Variants in PDE4D observed in about 807,000 individuals in gnomAD.
PDE4D encodes phosphodiesterase 4D.
PDE4D carries 24 observed loss-of-function variants against 87.4 expected under a neutral mutation model. The ratio of observed to expected loss-of-function variants is 0.27; its 90% confidence interval spans 0.20 to 0.39. The LOEUF (loss-of-function observed/expected upper bound fraction) is 0.39. Among genes scored for constraint, PDE4D ranks in the 10% least tolerant of loss-of-function variants. PDE4D has a pLI of 1.00. For synonymous variants in PDE4D, 384 were observed against 383.2 expected (o/e 1.00, Z -0.02); for missense variants, 714 against 1,041.0 (o/e 0.69, Z 4.32).
chr5:59,179,601 A>G (rs1740990167), intron 5 of PDE4D: 3 of 408,404 alleles, frequency 7.3e-6, no homozygotes, highest in African/African-American at 4.3e-5. Flanking sequence ...TTCCAGAATC[A>G]ACTCTAATGT....
intron 1 of PDE4D, among the ~76,000 whole-genome samples, chr5:60,252,622 AAGG>A (rs1217439031): frequency 1.3e-5 from 2 of 151,842 alleles, no homozygotes; most frequent in East Asian, 3.9e-4. Flanking sequence ...GATAGAAATG[AAGG>A]ATGCTACACC....
At chr5:60,469,503 T>C (rs1747657060) in intron 1 of PDE4D, among the ~76,000 whole-genome samples, 1 of 152,204 alleles carries the variant, frequency 6.6e-6, no homozygotes, top group South Asian at 2.1e-4. Context: ...ATCTGTTTTA[T>C]TGCACTTTGC....
At chr5:59,223,737 A>G (rs1396178581) in intron 1 of PDE4D, among the ~76,000 whole-genome samples, 4 of 152,160 alleles carry the variant, frequency 2.6e-5, no homozygotes, top group Non-Finnish European at 5.9e-5. Context: ...TTCTCTGATT[A>G]TCTATGGAGA....
At chr5:60,454,998 A>G (rs1746363251) in intron 1 of PDE4D, among the ~76,000 whole-genome samples, 1 of 152,028 alleles carries the variant, frequency 6.6e-6, no homozygotes, top group Non-Finnish European at 1.5e-5. Flanking sequence ...AGGGTGGGGA[A>G]CAGGGTGAGG....
intron 1 of PDE4D, among the ~76,000 whole-genome samples, chr5:59,704,277 C>T (rs1753050956): frequency 6.6e-6 from 1 of 152,188 alleles, no homozygotes; most frequent in Admixed American, 6.5e-5. Context: ...AGAGGACTCT[C>T]ATCTCCCCAA....
At chr5:60,377,570 G>T (rs1194901849) in intron 1 of PDE4D, among the ~76,000 whole-genome samples, 1 of 152,116 alleles carries the variant, frequency 6.6e-6, no homozygotes, top group Non-Finnish European at 1.5e-5. Flanking sequence ...TTTAGTCAAA[G>T]ATCTCATGAG....
At chr5:60,372,158 A>AG (rs202236964) in intron 1 of PDE4D, among the ~76,000 whole-genome samples, 7,412 of 152,234 alleles carry the variant, frequency 0.049, 245 homozygotes, top group Non-Finnish European at 0.07. Context: ...TATTTTAGCC[A>AG]TCCTGATGGA....
At chr5:59,044,504 G>A (rs914845971) in intron 5 of PDE4D, among the ~76,000 whole-genome samples, 13 of 152,166 alleles carry the variant, frequency 8.5e-5, no homozygotes, top group African/African-American at 3.1e-4. Flanking sequence ...CTGTTTCACC[G>A]TGTATTGCTT....
intron 1 of PDE4D, among the ~76,000 whole-genome samples, chr5:60,186,164 A>G (rs182931447): frequency 3.9e-4 from 60 of 152,282 alleles, no homozygotes; most frequent in African/African-American, 1.3e-3. Context: ...ACTGACAATA[A>G]TCAATAGTAC....
intron 1 of PDE4D, among the ~76,000 whole-genome samples, chr5:59,670,771 T>C (rs1044773484): frequency 3.3e-5 from 5 of 152,166 alleles, no homozygotes; most frequent in African/African-American, 1.2e-4. Flanking sequence ...TGAGTATTAA[T>C]ATTTTGGTTT....
intron 2 of PDE4D, among the ~76,000 whole-genome samples, chr5:60,068,520 G>A (rs1192010209): frequency 2.6e-5 from 4 of 151,474 alleles, no homozygotes; most frequent in Non-Finnish European, 4.4e-5. Context: ...TCAGATATAC[G>A]GTTTGCAAAT....
chr5:60,468,657 G>T (rs963515596), intron 1 of PDE4D, among the ~76,000 whole-genome samples: 1 of 151,720 alleles, frequency 6.6e-6, no homozygotes, highest in African/African-American at 2.4e-5. Flanking sequence ...TAAGTAGCTG[G>T]AAGTATAAAC....
At chr5:59,471,157 A>G (rs539307873) in intron 1 of PDE4D, among the ~76,000 whole-genome samples, 1 of 152,286 alleles carries the variant, frequency 6.6e-6, no homozygotes, top group African/African-American at 2.4e-5. Flanking sequence ...AGGCAGGAGG[A>G]CTGCTTGAGC....
At chr5:60,248,776 G>C (rs530235283) in intron 1 of PDE4D, among the ~76,000 whole-genome samples, 98 of 151,996 alleles carry the variant, frequency 6.4e-4, no homozygotes, top group Non-Finnish European at 1.3e-3. Flanking sequence ...TGCCTGCTTC[G>C]ATAGCCTGCT....
At chr5:60,300,374 T>C (rs1032889416) in intron 1 of PDE4D, among the ~76,000 whole-genome samples, 2 of 152,144 alleles carry the variant, frequency 1.3e-5, no homozygotes, top group Admixed American at 6.5e-5. Context: ...TGATAGTTTT[T>C]TTTTGCTGTG....
At chr5:60,402,518 T>C (rs1181255469) in intron 1 of PDE4D, among the ~76,000 whole-genome samples, 1 of 152,242 alleles carries the variant, frequency 6.6e-6, no homozygotes, top group Non-Finnish European at 1.5e-5. Context: ...GCTTCATTCC[T>C]GCTTTCTATG....
chr5:59,623,916 T>G (rs1178117056), intron 1 of PDE4D, among the ~76,000 whole-genome samples: 3 of 152,232 alleles, frequency 2.0e-5, no homozygotes, highest in Non-Finnish European at 4.4e-5. Flanking sequence ...AGCTAACATT[T>G]CTGTGCATTT....
chr5:59,968,885 G>A (rs977023103), intron 3 of PDE4D, among the ~76,000 whole-genome samples: 7 of 151,862 alleles, frequency 4.6e-5, no homozygotes, highest in South Asian at 4.2e-4. Flanking sequence ...GGTCTGGCAC[G>A]TGATAATGTA....
chr5:59,521,062 G>T (rs1812141011), intron 1 of PDE4D, among the ~76,000 whole-genome samples: 1 of 151,728 alleles, frequency 6.6e-6, no homozygotes, highest in Non-Finnish European at 1.5e-5. Context: ...GTTTACTTGG[G>T]TTAATTAGGT....
Sources: allele counts gnomAD v4.1 joint callset (sites outside exome capture counted in the v4.1 genomes callset), GRCh38; gene constraint gnomAD v4.1.1; transcripts MANE v1.5; gene names NCBI Gene and HGNC (gene_info 2026-07-23, HGNC 2026-07-21).